Variants in SHISA9 observed in about 807,000 individuals in gnomAD.
The protein encoded by SHISA9 is shisa family member 9, also known as protein shisa-9.
SHISA9 carries 13 observed loss-of-function variants against 38.0 expected under a neutral mutation model. The observed-to-expected ratio is 0.34, with a 90% CI of 0.22 to 0.54. The LOEUF is 0.54. Among genes scored for constraint, SHISA9 ranks in the 20% least tolerant of loss-of-function variants. The pLI is 0.91. For missense variants in SHISA9, 538 were observed against 575.8 expected (o/e 0.93, Z 0.67); for synonymous variants, 275 against 242.0 (o/e 1.14, Z -1.27).
At chr16:12,940,058 G>C (rs1459725167) in intron 2 of SHISA9, among the ~76,000 whole-genome samples, 1 of 152,178 alleles carries the variant, frequency 6.6e-6, no homozygotes, top group African/African-American at 2.4e-5. Flanking sequence ...CTTCCCAAGG[G>C]TCACATTTTA....
At chr16:13,197,502 G>C (rs1032758729) in intron 2 of SHISA9, 4 of 152,164 alleles carry the variant, frequency 2.6e-5, no homozygotes, top group Admixed American at 1.3e-4. Flanking sequence ...GGAGTTACAC[G>C]GTAGTTACCT....
intron 2 of SHISA9, among the ~76,000 whole-genome samples, chr16:13,131,445 A>T (rs557237097): frequency 6.6e-6 from 1 of 152,100 alleles, no homozygotes; most frequent in South Asian, 2.1e-4. Context: ...AGGGGTGGAC[A>T]ACACACACTG....
At chr16:13,038,674 T>G (rs544006221) in intron 2 of SHISA9, among the ~76,000 whole-genome samples, 1 of 152,230 alleles carries the variant, frequency 6.6e-6, no homozygotes, top group African/African-American at 2.4e-5. Flanking sequence ...AACATCACCC[T>G]GTATGTTTCT....
At chr16:12,904,684 G>T (rs977228544) in intron 1 of SHISA9, among the ~76,000 whole-genome samples, 6 of 152,140 alleles carry the variant, frequency 3.9e-5, no homozygotes, top group Non-Finnish European at 8.8e-5. Context: ...TTCCAGAATG[G>T]AGTGGAAGTG....
the SHISA9 span, among the ~76,000 whole-genome samples, chr16:13,499,441 A>T: frequency 6.6e-6 from 1 of 152,214 alleles, no homozygotes; most frequent in South Asian, 2.1e-4. Flanking sequence ...AGCATGTAAC[A>T]AAAATAGTAT....
the SHISA9 span, among the ~76,000 whole-genome samples, chr16:13,490,434 G>A: frequency 6.6e-6 from 1 of 152,122 alleles, no homozygotes; most frequent in African/African-American, 2.4e-5. Context: ...GTGTGGTGGT[G>A]TGCACCTGTA....
the SHISA9 span, among the ~76,000 whole-genome samples, chr16:13,542,584 A>G: frequency 9.3e-5 from 5 of 53,994 alleles, no homozygotes; most frequent in East Asian, 4.8e-3. Context: ...CTCACAAAGA[A>G]TAAGTATGCC....
chr16:13,209,544 G>A (rs1273181639), intron 3 of SHISA9, among the ~76,000 whole-genome samples: 1 of 152,194 alleles, frequency 6.6e-6, no homozygotes, highest in African/African-American at 2.4e-5. Context: ...GAAATATTCT[G>A]TTTCAATACA....
At chr16:13,197,579 G>T (rs1053392419) in intron 2 of SHISA9, 1 of 152,058 alleles carries the variant, frequency 6.6e-6, no homozygotes, top group Non-Finnish European at 1.5e-5. Flanking sequence ...GACGATTGTT[G>T]GATATACGAG....
chr16:13,104,529 T>A (rs2073908120), intron 2 of SHISA9, among the ~76,000 whole-genome samples: 1 of 152,178 alleles, frequency 6.6e-6, no homozygotes, highest in Non-Finnish European at 1.5e-5. Context: ...AGAAAAGGAA[T>A]GAAATACTGA....
rs893580800 is a variant in SHISA9 at position 12,902,397 on chromosome 16, G to A, written c.333G>A (p.Lys111=). The A allele has an allele frequency of 4.5e-6, 7 of 1,551,142 alleles. No homozygotes were observed. The highest frequency in any genetic ancestry group is 1.4e-5 in the African/African-American group (1 of 73,042). The change falls in exon 1 of 5, where the codon AAG becomes AAA. Residue 111 remains lysine (K), a synonymous_variant. Transcript: ENST00000558583. ...GCTTCCGGTTCTGCTGCACGTTTAA[G>A]AAGCGGCGACTGAACCAAAGCACCT... The part of the protein sequence containing the change: ...TCGFRFCCTF[K]KRRLNQSTCT...
the SHISA9 span, among the ~76,000 whole-genome samples, chr16:13,317,157 C>T: frequency 3.3e-5 from 5 of 152,160 alleles, no homozygotes; most frequent in South Asian, 2.1e-4. Context: ...CAATAGCAGA[C>T]GGGGAGCTTG....
the SHISA9 span, among the ~76,000 whole-genome samples, chr16:13,529,998 G>T: frequency 1.3e-5 from 2 of 152,158 alleles, no homozygotes; most frequent in African/African-American, 2.4e-5. Flanking sequence ...TGGCCGCCTG[G>T]GTTTAAATAT....
the SHISA9 span, among the ~76,000 whole-genome samples, chr16:13,469,320 GAGAAAGAAAGAAAGAA>G: frequency 4.1e-3 from 255 of 61,568 alleles, 1 homozygote; most frequent in Middle Eastern, 6.8e-3. Context: ...GAGAGAGAGA[GAGAAAGAAAGAAAGAA>G]AGAAAGAAAG....
chr16:13,071,574 TTCCTC>T (rs2073515711), intron 2 of SHISA9, among the ~76,000 whole-genome samples: 2 of 138,002 alleles, frequency 1.4e-5, no homozygotes, highest in African/African-American at 6.7e-5. Flanking sequence ...CCTTCCTCCC[TTCCTC>T]CCTTCCTTCC....
chr16:12,908,265 C>T (rs1482542967), intron 1 of SHISA9, among the ~76,000 whole-genome samples: 1 of 152,122 alleles, frequency 6.6e-6, no homozygotes, highest in African/African-American at 2.4e-5. Flanking sequence ...GTGACATTGA[C>T]CAAGTCTCCT....
the SHISA9 span, among the ~76,000 whole-genome samples, chr16:13,554,849 C>T: frequency 6.6e-6 from 1 of 152,280 alleles, no homozygotes; most frequent in African/African-American, 2.4e-5. Context: ...AAGCTCCTGG[C>T]AGCCATTTTG....
chr16:12,998,688 G>A (rs2072488759), intron 2 of SHISA9, among the ~76,000 whole-genome samples: 1 of 152,142 alleles, frequency 6.6e-6, no homozygotes, highest in African/African-American at 2.4e-5. Flanking sequence ...GGGCCCCCAT[G>A]CTTGACTAAT....
intron 2 of SHISA9, among the ~76,000 whole-genome samples, chr16:12,953,451 A>G (rs2071787127): frequency 6.6e-6 from 1 of 152,202 alleles, no homozygotes; most frequent in Non-Finnish European, 1.5e-5. Context: ...GCTAGGATGG[A>G]CTTTGAAGCC....
Sources: allele counts gnomAD v4.1 joint callset (sites outside exome capture counted in the v4.1 genomes callset), GRCh38; gene constraint gnomAD v4.1.1; transcripts MANE v1.5; gene names NCBI Gene and HGNC (gene_info 2026-07-23, HGNC 2026-07-21).